The following ZNF385D variants were observed in gnomAD, a reference collection of about 807,000 sequenced individuals.
The protein encoded by ZNF385D is zinc finger protein 385D.
ZNF385D carries 15 observed loss-of-function variants against 35.8 expected under a neutral mutation model. That is an observed-to-expected ratio of 0.42 (90% CI 0.28 to 0.64). ZNF385D has a LOEUF of 0.64. Among genes scored for constraint, ZNF385D ranks in the 30% least tolerant of loss-of-function variants. ZNF385D has a pLI of 0.23. For synonymous variants in ZNF385D, 212 were observed against 186.8 expected (o/e 1.13, Z -1.10); for missense variants, 474 against 494.6 (o/e 0.96, Z 0.39).
chr3:22,268,881 G>A (rs992284910), intron 2 of ZNF385D, among the ~76,000 whole-genome samples: 2 of 151,912 alleles, frequency 1.3e-5, no homozygotes, highest in Non-Finnish European at 2.9e-5. Flanking sequence ...CTGGAAAATA[G>A]TGGGGGTGGG....
At chr3:22,268,069 T>C (rs1473329022) in intron 2 of ZNF385D, among the ~76,000 whole-genome samples, 1 of 151,968 alleles carries the variant, frequency 6.6e-6, no homozygotes, top group Non-Finnish European at 1.5e-5. Flanking sequence ...TGTAAATTTA[T>C]TTTGCAGTTT....
At chr3:21,682,214 T>G (rs1285504580) in intron 1 of ZNF385D, among the ~76,000 whole-genome samples, 2 of 133,696 alleles carry the variant, frequency 1.5e-5, no homozygotes, top group Admixed American at 1.5e-4. Context: ...TGTTTTTAGT[T>G]TAGCTTTGTC....
At chr3:22,141,513 G>T (rs17594039) in intron 3 of ZNF385D, among the ~76,000 whole-genome samples, 1 of 151,982 alleles carries the variant, frequency 6.6e-6, no homozygotes, top group Non-Finnish European at 1.5e-5. Context: ...AGATTAAGAA[G>T]GCCAATCCTC....
intron 3 of ZNF385D, chr3:22,134,292 C>CA (rs1035662184): frequency 5.3e-5 from 8 of 151,812 alleles, no homozygotes; most frequent in Non-Finnish European, 8.8e-5. Flanking sequence ...TAATTCAGAA[C>CA]AAAAAAATTA....
At chr3:21,510,094 C>T (rs1186106316) in intron 4 of ZNF385D, among the ~76,000 whole-genome samples, 1 of 152,104 alleles carries the variant, frequency 6.6e-6, no homozygotes, top group South Asian at 2.1e-4. Flanking sequence ...TCTCTGTGTT[C>T]TAGAAAGTGA....
At chr3:21,826,784 G>C (rs658340) in intron 3 of ZNF385D, among the ~76,000 whole-genome samples, 3 of 144,970 alleles carry the variant, frequency 2.1e-5, no homozygotes, top group African/African-American at 7.7e-5. Context: ...CACATAAACA[G>C]AGAAAACATT....
chr3:22,133,757 G>C (rs547020213), intron 3 of ZNF385D: 1 of 151,808 alleles, frequency 6.6e-6, no homozygotes, highest in Non-Finnish European at 1.5e-5. Context: ...TCAAGGAATG[G>C]CTTCGAAGCC....
chr3:21,533,888 AAT>A (rs1275034943), intron 3 of ZNF385D, among the ~76,000 whole-genome samples: 4 of 152,164 alleles, frequency 2.6e-5, no homozygotes, highest in Admixed American at 2.0e-4. Flanking sequence ...ACAAAAGAGA[AAT>A]ATCAGACCTC....
intron 2 of ZNF385D, among the ~76,000 whole-genome samples, chr3:21,657,667 A>G (rs1049010571): frequency 2.0e-5 from 3 of 151,634 alleles, no homozygotes; most frequent in Non-Finnish European, 4.4e-5. Context: ...GTTTCCACTT[A>G]TCTACCGCTT....
chr3:22,370,940 C>A (rs1353323108), intron 2 of ZNF385D, among the ~76,000 whole-genome samples: 1 of 152,200 alleles, frequency 6.6e-6, no homozygotes, highest in African/African-American at 2.4e-5. Context: ...CAACTTCCAG[C>A]ACTTCATTTC....
intron 3 of ZNF385D, among the ~76,000 whole-genome samples, chr3:21,965,491 T>C (rs1702862700): frequency 7.0e-6 from 1 of 143,342 alleles, no homozygotes; most frequent in Non-Finnish European, 1.5e-5. Context: ...CTGAAGAACA[T>C]CCCTCAGAGT....
At chr3:21,794,917 T>C (rs955499791) in intron 3 of ZNF385D, among the ~76,000 whole-genome samples, 3 of 152,256 alleles carry the variant, frequency 2.0e-5, no homozygotes, top group Middle Eastern at 3.4e-3. Context: ...ATTATGACAA[T>C]TAAGTAAAAT....
chr3:21,862,013 T>A (rs1697080588), intron 3 of ZNF385D, among the ~76,000 whole-genome samples: 1 of 152,164 alleles, frequency 6.6e-6, no homozygotes, highest in Non-Finnish European at 1.5e-5. Flanking sequence ...CTCTATCATC[T>A]GGTCATATGA....
At chr3:21,494,417 C>T (rs1705666308) in intron 4 of ZNF385D, among the ~76,000 whole-genome samples, 1 of 152,080 alleles carries the variant, frequency 6.6e-6, no homozygotes, top group Non-Finnish European at 1.5e-5. Context: ...AAAGGAACTA[C>T]CTTGAGTAAT....
intron 2 of ZNF385D, among the ~76,000 whole-genome samples, chr3:22,325,739 C>G (rs1014505890): frequency 9.2e-5 from 14 of 152,186 alleles, no homozygotes; most frequent in African/African-American, 3.1e-4. Flanking sequence ...GAGTGGCCAA[C>G]AGAGCGAGAC....
intron 2 of ZNF385D, among the ~76,000 whole-genome samples, chr3:21,607,102 G>A (rs1187012277): frequency 1.3e-5 from 2 of 152,152 alleles, no homozygotes; most frequent in African/African-American, 4.8e-5. Flanking sequence ...TTCTAAGTGT[G>A]TTCTGTTCTC....
At chr3:21,424,299 A>ATATATATATACTTATATATATATT (rs1700890427) in intron 6 of ZNF385D, among the ~76,000 whole-genome samples, 1 of 80,214 alleles carries the variant, frequency 1.2e-5, no homozygotes, top group South Asian at 5.2e-4. Context: ...ATATATATAT[A>ATATATATATACTTATATATATATT]TTTATATATA....
At chr3:22,344,522 T>C (rs1017526311) in intron 2 of ZNF385D, among the ~76,000 whole-genome samples, 1 of 152,114 alleles carries the variant, frequency 6.6e-6, no homozygotes, top group Admixed American at 6.5e-5. Context: ...CCTGAGTATC[T>C]AGGACTACAG....
chr3:21,698,300 C>T (rs772668729), intron 1 of ZNF385D, among the ~76,000 whole-genome samples: 18 of 151,846 alleles, frequency 1.2e-4, no homozygotes, highest in Non-Finnish European at 2.6e-4. Context: ...TTTTACAGCA[C>T]CATGATGGGG....
Sources: allele counts gnomAD v4.1 joint callset (sites outside exome capture counted in the v4.1 genomes callset), GRCh38; gene constraint gnomAD v4.1.1; transcripts MANE v1.5; gene names NCBI Gene and HGNC (gene_info 2026-07-23, HGNC 2026-07-21).